Variants in CNTNAP4 observed in about 807,000 individuals in gnomAD.
CNTNAP4 encodes contactin associated protein family member 4.
CNTNAP4 carries 98 observed loss-of-function variants against 148.4 expected under a neutral mutation model. The ratio of observed to expected loss-of-function variants is 0.66; its 90% CI spans 0.56 to 0.78. The LOEUF is 0.78. CNTNAP4 is among the 30% of genes least tolerant of loss of function. The pLI, the probability that CNTNAP4 is intolerant of heterozygous loss-of-function variation, is 0.00. For missense variants in CNTNAP4, 1,935 were observed against 1,565.6 expected (o/e 1.24, Z -3.98); for synonymous variants, 730 against 565.1 (o/e 1.29, Z -4.14).
chr16:76,544,382 G>T (rs2144325130), intron 21 of CNTNAP4, among the ~76,000 whole-genome samples: 1 of 152,146 alleles, frequency 6.6e-6, no homozygotes, highest in South Asian at 2.1e-4. Context: ...GGGTAATTTT[G>T]AATTGCTGAC....
intron 3 of CNTNAP4, among the ~76,000 whole-genome samples, chr16:76,403,758 G>A (rs550243923): frequency 1.5e-4 from 23 of 152,226 alleles, no homozygotes; most frequent in Non-Finnish European, 2.8e-4. Context: ...AATGTTTATT[G>A]CAGCACTAGT....
intron 3 of CNTNAP4, among the ~76,000 whole-genome samples, chr16:76,423,837 A>C (rs2079278531): frequency 6.6e-6 from 1 of 152,174 alleles, no homozygotes; most frequent in African/African-American, 2.4e-5. Context: ...CACTGGCATT[A>C]GAAAGTTATT....
intron 13 of CNTNAP4, among the ~76,000 whole-genome samples, chr16:76,492,567 T>C (rs1485098767): frequency 6.6e-6 from 1 of 152,092 alleles, no homozygotes; most frequent in Non-Finnish European, 1.5e-5. Flanking sequence ...CCCACCCAAA[T>C]CTCACCTTGA....
At chr16:76,539,693 A>T (rs367746025) in intron 19 of CNTNAP4, 26 bp from the exon 20 acceptor site, 608 of 1,555,870 alleles carry the variant, frequency 3.9e-4, no homozygotes, top group Non-Finnish European at 5.0e-4. Flanking sequence ...TTTTACTAAA[A>T]GAATCACAAT....
At chr16:76,508,217 A>G (rs1243220941) in intron 15 of CNTNAP4, among the ~76,000 whole-genome samples, 3 of 87,904 alleles carry the variant, frequency 3.4e-5, no homozygotes, top group African/African-American at 8.1e-5. Context: ...CTTATGAATT[A>G]TTAGTAAGAG....
At chr16:76,332,994 G>T (rs890452047) in intron 2 of CNTNAP4, among the ~76,000 whole-genome samples, 1 of 152,124 alleles carries the variant, frequency 6.6e-6, no homozygotes, top group African/African-American at 2.4e-5. Flanking sequence ...AGAGTTTTGG[G>T]AATTACTCCC....
chr16:76,421,641 T>G (rs971357140), intron 3 of CNTNAP4, among the ~76,000 whole-genome samples: 4 of 152,112 alleles, frequency 2.6e-5, no homozygotes, highest in African/African-American at 9.7e-5. Flanking sequence ...TAAAAAGTGA[T>G]TTCTATTTGA....
chr16:76,380,494 T>G (rs909975962), intron 3 of CNTNAP4, among the ~76,000 whole-genome samples: 2 of 152,240 alleles, frequency 1.3e-5, no homozygotes, highest in Non-Finnish European at 2.9e-5. Context: ...AGAGCATTTT[T>G]GTATTCTCTA....
At chr16:76,323,287 T>TAA (rs34847610) in intron 2 of CNTNAP4, among the ~76,000 whole-genome samples, 85,819 of 151,458 alleles carry the variant, frequency 0.57, 24,586 homozygotes, top group Admixed American at 0.64. Context: ...TGGTTTTATT[T>TAA]AATATTTTTA....
At chr16:76,533,491 C>T (rs1272693869) in intron 17 of CNTNAP4, among the ~76,000 whole-genome samples, 1 of 152,038 alleles carries the variant, frequency 6.6e-6, no homozygotes, top group Non-Finnish European at 1.5e-5. Context: ...ATGTTCCCAA[C>T]ACTAAAAAAT....
chr16:76,301,688 T>C (rs899477339), intron 1 of CNTNAP4, among the ~76,000 whole-genome samples: 6 of 152,126 alleles, frequency 3.9e-5, no homozygotes, highest in Admixed American at 2.0e-4. Flanking sequence ...ACAAAGGTTT[T>C]GCAAAAGAGG....
At chr16:76,333,248 T>C (rs1173132446) in intron 2 of CNTNAP4, among the ~76,000 whole-genome samples, 1 of 152,124 alleles carries the variant, frequency 6.6e-6, no homozygotes, top group African/African-American at 2.4e-5. Flanking sequence ...CTTAGAGCTA[T>C]CATTAATCTT....
intron 3 of CNTNAP4, among the ~76,000 whole-genome samples, chr16:76,411,111 C>T (rs1249146280): frequency 2.0e-5 from 3 of 151,392 alleles, no homozygotes; most frequent in Non-Finnish European, 3.0e-5. Flanking sequence ...TGAGGGTCAT[C>T]AGTTCTGAAC....
chr16:76,523,717 G>T (rs1183997590), intron 17 of CNTNAP4, among the ~76,000 whole-genome samples: 2 of 152,152 alleles, frequency 1.3e-5, no homozygotes, highest in African/African-American at 2.4e-5. Flanking sequence ...TTGGGGCCAG[G>T]AGTTTGAGAC....
chr16:76,443,275 A>C (rs1003107093), intron 4 of CNTNAP4, among the ~76,000 whole-genome samples: 7 of 152,178 alleles, frequency 4.6e-5, no homozygotes, highest in Non-Finnish European at 8.8e-5. Flanking sequence ...TAGGCCTTTT[A>C]CTGTTACAAA....
intron 1 of CNTNAP4, among the ~76,000 whole-genome samples, chr16:76,288,428 C>G (rs546594885): frequency 1.4e-4 from 22 of 152,208 alleles, no homozygotes; most frequent in Middle Eastern, 6.8e-3. Context: ...ATTTCTTGGC[C>G]TTTGCATCTG....
chr16:76,320,921 G>A (rs948043203), intron 2 of CNTNAP4, among the ~76,000 whole-genome samples: 1 of 152,166 alleles, frequency 6.6e-6, no homozygotes, highest in Non-Finnish European at 1.5e-5. Context: ...TTACAAGTGT[G>A]AGTAGAAAAA....
chr16:76,531,311 A>G (rs948243096), intron 17 of CNTNAP4, among the ~76,000 whole-genome samples: 5 of 152,200 alleles, frequency 3.3e-5, no homozygotes, highest in African/African-American at 9.6e-5. Flanking sequence ...ACTCCATGAC[A>G]ATAACGTCTG....
At position 76,435,317 on chromosome 16, in the gene CNTNAP4, G is replaced by C. The variant is rs1255407770; in HGVS notation, c.538+7718G>C. On this transcript the variant is annotated intron_variant, in intron 4 of 23. Coordinates refer to ENST00000611870, the MANE Select transcript of CNTNAP4 (RefSeq NM_033401.5). ...GGCTTCCTATCAGTTTTACTTCTAG[G>C]AACACTGTGATTAATTAGCCAATGC... Among the ~76,000 whole-genome samples the C allele has an allele frequency of 2.0e-5, 3 of 152,002 alleles. No homozygotes were observed. The East Asian group carries it at 5.8e-4, about 29-fold the overall frequency.
Sources: gnomAD v4.1 joint callset for allele counts (sites outside exome capture counted in the v4.1 genomes callset) on GRCh38, gnomAD v4.1.1 for gene constraint, MANE v1.5 for transcripts, NCBI Gene and HGNC (gene_info 2026-07-23, HGNC 2026-07-21) for gene names.